C12orf42: variants seen among roughly 807,000 people sequenced by gnomAD.
C12orf42 encodes the protein uncharacterized protein C12orf42.
In C12orf42, 25 loss-of-function variants were observed where a neutral mutation model predicts 21.6. That is an observed-to-expected ratio of 1.16 (90% CI 0.84 to 1.62). The LOEUF (loss-of-function observed/expected upper bound fraction) is 1.62. Ranked by LOEUF, C12orf42 falls within the 40% of genes most tolerant of loss-of-function variation. The pLI is 0.00. For synonymous variants in C12orf42, 174 were observed against 175.0 expected (o/e 0.99, Z 0.05); for missense variants, 483 against 459.3 (o/e 1.05, Z -0.47).
At chr12:103,233,989 T>C (rs559550005), downstream of C12orf42, among the ~76,000 whole-genome samples, 4 of 152,316 alleles carry the variant, frequency 2.6e-5, no homozygotes, top group South Asian at 6.2e-4. Flanking sequence ...TATTCTCACA[T>C]AAATAGAAAC....
chr12:103,266,250 A>C (rs1318060767), downstream of C12orf42, among the ~76,000 whole-genome samples: 1 of 152,190 alleles, frequency 6.6e-6, no homozygotes, highest in Non-Finnish European at 1.5e-5. Flanking sequence ...CTAGATATCC[A>C]AAATAGAAGG....
At chr12:103,298,209 T>C (rs547623987), downstream of C12orf42, among the ~76,000 whole-genome samples, 5 of 152,172 alleles carry the variant, frequency 3.3e-5, no homozygotes, top group East Asian at 9.7e-4. Flanking sequence ...GAAAACCTCA[T>C]TGTCTCAGCC....
the C12orf42 span, among the ~76,000 whole-genome samples, chr12:103,167,187 C>T: frequency 2.0e-5 from 3 of 152,158 alleles, no homozygotes; most frequent in East Asian, 1.9e-4. Flanking sequence ...TGGCCTGCTC[C>T]GACTTGGCCC....
chr12:103,503,119 T>C, the C12orf42 span, among the ~76,000 whole-genome samples: 1 of 152,224 alleles, frequency 6.6e-6, no homozygotes, highest in Non-Finnish European at 1.5e-5. Context: ...AAGTGAAGAA[T>C]GGACAGCTAA....
the C12orf42 span, among the ~76,000 whole-genome samples, chr12:103,131,484 TAG>T: frequency 6.6e-6 from 1 of 152,242 alleles, no homozygotes; most frequent in Admixed American, 6.5e-5. Flanking sequence ...TCACATAGTA[TAG>T]CTTGTCAGAT....
chr12:103,505,430 A>T, the C12orf42 span: 2 of 365,936 alleles, frequency 5.5e-6, no homozygotes, highest in African/African-American at 2.3e-5. Context: ...ACCACCTGAG[A>T]AGTAGTTTCA....
At chr12:103,469,421 G>C (rs1388264775) in intron 2 of C12orf42, among the ~76,000 whole-genome samples, 1 of 152,200 alleles carries the variant, frequency 6.6e-6, no homozygotes, top group Non-Finnish European at 1.5e-5. Flanking sequence ...TAGACATCTT[G>C]ATGCAGTTCC....
the C12orf42 span, among the ~76,000 whole-genome samples, chr12:103,563,284 C>T: frequency 6.6e-6 from 1 of 152,168 alleles, no homozygotes; most frequent in Non-Finnish European, 1.5e-5. Flanking sequence ...CCCAGATGTC[C>T]TCTGATCCCC....
At chr12:103,283,545 G>A (rs1046538769) in intron 4 of C12orf42, among the ~76,000 whole-genome samples, 3 of 152,142 alleles carry the variant, frequency 2.0e-5, no homozygotes, top group African/African-American at 4.8e-5. Flanking sequence ...TTCACTCCTT[G>A]TGTTCCAGAC....
At chr12:103,159,746 G>T in the C12orf42 span, among the ~76,000 whole-genome samples, 10 of 152,172 alleles carry the variant, frequency 6.6e-5, no homozygotes, top group African/African-American at 2.2e-4. Context: ...TATGTTCATG[G>T]TCCCCTCCAG....
the C12orf42 span, among the ~76,000 whole-genome samples, chr12:103,061,842 A>G: frequency 6.6e-6 from 1 of 151,006 alleles, no homozygotes. Flanking sequence ...CATATATTTC[A>G]TATTTACTTA....
At chr12:103,560,996 T>C in the C12orf42 span, among the ~76,000 whole-genome samples, 1 of 152,190 alleles carries the variant, frequency 6.6e-6, no homozygotes, top group African/African-American at 2.4e-5. Context: ...CTACCTGAAA[T>C]ACTTCTTGAT....
chr12:103,165,825 A>C, the C12orf42 span, among the ~76,000 whole-genome samples: 1 of 152,024 alleles, frequency 6.6e-6, no homozygotes, highest in African/African-American at 2.4e-5. Flanking sequence ...TAGATCACTT[A>C]AGGGCAGGAG....
chr12:103,192,348 C>T, the C12orf42 span, among the ~76,000 whole-genome samples: 1 of 151,872 alleles, frequency 6.6e-6, no homozygotes, highest in South Asian at 2.1e-4. Context: ...ACTAAAAATA[C>T]ATAAATTAGC....
chr12:103,465,081 C>T (rs932092528), intron 2 of C12orf42, among the ~76,000 whole-genome samples: 5 of 152,052 alleles, frequency 3.3e-5, no homozygotes, highest in East Asian at 1.9e-4. Context: ...CTTGGCTATA[C>T]GAGCTCTTTC....
chr12:103,063,509 G>T, the C12orf42 span, among the ~76,000 whole-genome samples: 1 of 152,174 alleles, frequency 6.6e-6, no homozygotes, highest in African/African-American at 2.4e-5. Flanking sequence ...GGAAGAAACA[G>T]CTTCCCATCC....
the C12orf42 span, among the ~76,000 whole-genome samples, chr12:103,191,543 C>CAAAAAA: frequency 1.3e-3 from 74 of 58,114 alleles, no homozygotes; most frequent in African/African-American, 1.8e-3. Flanking sequence ...CTCCACTCTA[C>CAAAAAA]AAAAAAAAAA....
chr12:103,183,011 T>A, the C12orf42 span, among the ~76,000 whole-genome samples: 1 of 152,200 alleles, frequency 6.6e-6, no homozygotes, highest in Admixed American at 6.5e-5. Flanking sequence ...TTTATAATAA[T>A]CACTGTACTC....
chr12:103,422,691 G>A (rs951440674), intron 2 of C12orf42, among the ~76,000 whole-genome samples: 5 of 152,022 alleles, frequency 3.3e-5, no homozygotes, highest in South Asian at 2.1e-4. Flanking sequence ...GAAATAAAAC[G>A]GAATATTTTA....
Sources: allele counts gnomAD v4.1 joint callset (sites outside exome capture counted in the v4.1 genomes callset), GRCh38; gene constraint gnomAD v4.1.1; transcripts MANE v1.5; gene names NCBI Gene and HGNC (gene_info 2026-07-23, HGNC 2026-07-21).